The following KCNH8 variants were observed in gnomAD, a reference collection of about 807,000 sequenced individuals.
KCNH8 encodes the protein potassium voltage-gated channel subfamily H member 8.
In KCNH8, 70 loss-of-function variants were observed where a neutral mutation model predicts 103.6. The ratio of observed to expected loss-of-function variants is 0.68; its 90% CI spans 0.56 to 0.82. The LOEUF is 0.82. Among genes scored for constraint, KCNH8 ranks in the 40% least tolerant of loss-of-function variants. The probability of loss-of-function intolerance (pLI) is 0.00; values close to 1 mark genes in which losing one functional copy is unlikely to be tolerated. For synonymous variants in KCNH8, 498 were observed against 489.4 expected (o/e 1.02, Z -0.23); for missense variants, 1,217 against 1,329.9 (o/e 0.92, Z 1.32).
chr3:19,400,015 C>A (rs891191735), intron 7 of KCNH8, among the ~76,000 whole-genome samples: 1 of 151,574 alleles, frequency 6.6e-6, no homozygotes, highest in African/African-American at 2.4e-5. Flanking sequence ...AGATCCTGTG[C>A]GGGAGTCCTA....
chr3:19,157,767 T>C (rs2063195025), intron 1 of KCNH8, among the ~76,000 whole-genome samples: 1 of 151,968 alleles, frequency 6.6e-6, no homozygotes, highest in Admixed American at 6.6e-5. Context: ...TGTTGAGCAT[T>C]ACTTGTTTAT....
At chr3:19,397,056 C>T (rs1481209215) in intron 7 of KCNH8, among the ~76,000 whole-genome samples, 1 of 151,980 alleles carries the variant, frequency 6.6e-6, no homozygotes, top group Non-Finnish European at 1.5e-5. Context: ...TCATTTCCAA[C>T]ATGCCAGGCT....
At chr3:19,471,857 T>C (rs1200437506) in intron 11 of KCNH8, among the ~76,000 whole-genome samples, 1 of 152,208 alleles carries the variant, frequency 6.6e-6, no homozygotes, top group Non-Finnish European at 1.5e-5. Flanking sequence ...GCTAAGTTAA[T>C]GGAGCATTCA....
chr3:19,403,387 T>C (rs1294031681), intron 7 of KCNH8, among the ~76,000 whole-genome samples: 1 of 138,700 alleles, frequency 7.2e-6, no homozygotes, highest in African/African-American at 2.6e-5. Flanking sequence ...TATATATATA[T>C]ATATATATAT....
chr3:19,470,351 T>C (rs1575105292), intron 11 of KCNH8, among the ~76,000 whole-genome samples: 1 of 152,354 alleles, frequency 6.6e-6, no homozygotes, highest in Non-Finnish European at 1.5e-5. Context: ...TCTCTGTTTC[T>C]TACTTTTCCT....
At chr3:19,330,387 C>G (rs1041670289) in intron 3 of KCNH8, among the ~76,000 whole-genome samples, 1 of 152,116 alleles carries the variant, frequency 6.6e-6, no homozygotes, top group African/African-American at 2.4e-5. Flanking sequence ...CATATATGAT[C>G]TAGACGAAGT....
At chr3:19,295,994 A>G (rs1330547239) in intron 3 of KCNH8, among the ~76,000 whole-genome samples, 3 of 152,106 alleles carry the variant, frequency 2.0e-5, no homozygotes, top group Non-Finnish European at 4.4e-5. Flanking sequence ...AGACAGTAGG[A>G]AAAAAAGTGT....
intron 11 of KCNH8, among the ~76,000 whole-genome samples, chr3:19,495,209 A>G (rs939643880): frequency 5.9e-5 from 9 of 152,068 alleles, no homozygotes; most frequent in African/African-American, 1.9e-4. Flanking sequence ...ATTAGTTCCC[A>G]TTTGTCAATT....
intron 11 of KCNH8, among the ~76,000 whole-genome samples, chr3:19,468,805 C>A (rs1203388384): frequency 6.6e-6 from 1 of 152,098 alleles, no homozygotes; most frequent in African/African-American, 2.4e-5. Context: ...CTTCATGATT[C>A]CTTCCTTAGA....
intron 7 of KCNH8, among the ~76,000 whole-genome samples, chr3:19,432,157 AT>A: frequency 6.6e-6 from 1 of 152,136 alleles, no homozygotes; most frequent in East Asian, 1.9e-4. Flanking sequence ...GGTCTAATTT[AT>A]TTTACATGTA....
chr3:19,429,267 G>A (rs1189348069), intron 7 of KCNH8, among the ~76,000 whole-genome samples: 9 of 145,428 alleles, frequency 6.2e-5, no homozygotes, highest in African/African-American at 1.8e-4. Flanking sequence ...TCCGCCTTCC[G>A]GGTTCACGGC....
intron 7 of KCNH8, among the ~76,000 whole-genome samples, chr3:19,407,474 A>G (rs1417902533): frequency 6.6e-6 from 1 of 152,034 alleles, no homozygotes; most frequent in Non-Finnish European, 1.5e-5. Flanking sequence ...GTAAGTTGGA[A>G]CATCTGTTCA....
At chr3:19,503,005 A>C (rs1353091993) in intron 11 of KCNH8, among the ~76,000 whole-genome samples, 1 of 151,796 alleles carries the variant, frequency 6.6e-6, no homozygotes, top group African/African-American at 2.4e-5. Context: ...ACAAAATGGG[A>C]GAAAATTTTC....
In KCNH8 at chr3:19,203,357, G is replaced by T. The variant is rs191454879; in HGVS notation, c.77-50297G>T. On this transcript the variant is annotated intron_variant, in intron 1 of 15. Transcript: ENST00000328405. ...GATGCTTTTTTGTTATAGAATATTT[G>T]TCAAAGGAAATATTCTAAATAAAAG... is the stretch of plus-strand genomic sequence containing the variant. Among the ~76,000 whole-genome samples, 488 of 151,930 alleles carry T rather than the reference G, an allele frequency of 3.2e-3. 3 individuals are homozygous for T. The highest frequency in any genetic ancestry group is 6.8e-3 in the Middle Eastern group (2 of 292).
intron 5 of KCNH8, among the ~76,000 whole-genome samples, chr3:19,381,183 C>T (rs9837116): frequency 0.07 from 10,724 of 152,120 alleles, 663 homozygotes; most frequent in East Asian, 0.25. Context: ...GGAAAACTAG[C>T]ATCTGACAAA....
chr3:19,311,785 A>T (rs992934458), intron 3 of KCNH8, among the ~76,000 whole-genome samples: 1 of 151,918 alleles, frequency 6.6e-6, no homozygotes, highest in African/African-American at 2.4e-5. Context: ...TGAGATGCGG[A>T]CATACATACT....
rs1387858514 is a variant in KCNH8, at chr3:19,534,744, G to C, written c.*645G>C. The C allele has an allele frequency of 6.6e-6, 1 of 152,398 alleles. No individual in the cohort carries two copies. The highest frequency in any genetic ancestry group is 6.6e-5 in the Admixed American group (1 of 15,258). 9.4% of individuals were successfully genotyped at this position (152,398 alleles called of 1,614,324 possible). A position where few individuals can be genotyped will look rare whatever the true frequency, so the allele number is the denominator to read the frequency against. On this transcript the variant is annotated 3_prime_UTR_variant, in exon 16 of 16. Transcript: ENST00000328405. Reference sequence around the variant, plus strand: ...ACTATTTAAATATTTATAAAGAAATGAATGTTTTCTTTTCATTTTGGTAAA... The same window carrying C: ...ACTATTTAAATATTTATAAAGAAATCAATGTTTTCTTTTCATTTTGGTAAA...
rs202030382 is a variant in KCNH8 at position 19,395,361 on chromosome 3, G to A, written c.1177+50G>A. ...TTCCATTTTTTAATTTAAAAAAAAA[G>A]AGTATCAAGAACTTGGAGGAAGTGA... On this transcript the variant is annotated intron_variant, in intron 7 of 15. Coordinates refer to ENST00000328405, the MANE Select transcript of KCNH8 (RefSeq NM_144633.3). 156 of 1,297,654 alleles carry A rather than the reference G, an allele frequency of 1.2e-4. No individual in the cohort carries two copies. The South Asian group carries it at 1.9e-3, about 15-fold the overall frequency. 80.4% of individuals were successfully genotyped at this position (1,297,654 alleles called of 1,614,324 possible). A position where few individuals can be genotyped will look rare whatever the true frequency, so the allele number is the denominator to read the frequency against.
At chr3:19,494,972 T>A (rs1200329710) in intron 11 of KCNH8, among the ~76,000 whole-genome samples, 2 of 152,202 alleles carry the variant, frequency 1.3e-5, no homozygotes, top group East Asian at 1.9e-4. Context: ...TTTTTTCATA[T>A]GTTTTCTAGC....
Sources: gnomAD v4.1 joint callset for allele counts (sites outside exome capture counted in the v4.1 genomes callset) on GRCh38, gnomAD v4.1.1 for gene constraint, MANE v1.5 for transcripts, NCBI Gene and HGNC (gene_info 2026-07-23, HGNC 2026-07-21) for gene names.